Variants in SLC12A8 observed in about 807,000 individuals in gnomAD.
SLC12A8 encodes the protein solute carrier family 12 member 8.
SLC12A8 carries 69 observed loss-of-function variants against 75.6 expected under a neutral mutation model. The observed-to-expected ratio is 0.91, with a 90% CI of 0.75 to 1.11. SLC12A8 has a LOEUF of 1.11. SLC12A8 is among the 50% of genes most tolerant of loss of function. SLC12A8 has a pLI of 0.00. For missense variants in SLC12A8, 877 were observed against 896.7 expected (o/e 0.98, Z 0.28); for synonymous variants, 365 against 372.8 (o/e 0.98, Z 0.24).
chr3:125,155,437 A>T (rs1934025633), intron 5 of SLC12A8, among the ~76,000 whole-genome samples: 1 of 152,040 alleles, frequency 6.6e-6, no homozygotes, highest in African/African-American at 2.4e-5. Flanking sequence ...TGATGCAGGA[A>T]TTGATGTAGA....
intron 10 of SLC12A8, among the ~76,000 whole-genome samples, chr3:125,102,583 T>C (rs1034251445): frequency 6.6e-5 from 10 of 152,006 alleles, no homozygotes; most frequent in African/African-American, 2.4e-4. Flanking sequence ...AGGTACAAGA[T>C]GATGAGCGTC....
At chr3:125,165,378 C>T (rs546913053) in intron 5 of SLC12A8, among the ~76,000 whole-genome samples, 27 of 152,380 alleles carry the variant, frequency 1.8e-4, no homozygotes, top group African/African-American at 6.0e-4. Context: ...GAGGCCATCC[C>T]GGGCACTGCA....
chr3:125,171,964 A>G (rs1253311123), intron 5 of SLC12A8, among the ~76,000 whole-genome samples: 1 of 2,408 alleles, frequency 4.2e-4, no homozygotes, highest in African/African-American at 6.1e-4. Flanking sequence ...AAAAAAAAAA[A>G]AAAAAAGAAA....
chr3:125,099,291 T>C (rs1329039857), intron 10 of SLC12A8, among the ~76,000 whole-genome samples: 2 of 152,132 alleles, frequency 1.3e-5, no homozygotes, highest in Non-Finnish European at 2.9e-5. Flanking sequence ...GATGCCACAG[T>C]TGAAATCCAG....
intron 6 of SLC12A8, among the ~76,000 whole-genome samples, chr3:125,124,128 G>A (rs1207602064): frequency 6.6e-6 from 1 of 152,134 alleles, no homozygotes; most frequent in Non-Finnish European, 1.5e-5. Context: ...AATGAGCCAG[G>A]CCCAGATATG....
At chr3:125,194,811 C>A (rs1286051964) in intron 2 of SLC12A8, among the ~76,000 whole-genome samples, 1 of 152,230 alleles carries the variant, frequency 6.6e-6, no homozygotes, top group African/African-American at 2.4e-5. Context: ...ACATGCGAAC[C>A]AGCAGATGGC....
In SLC12A8 at chr3:125,171,256, C is replaced by A. The variant is rs1368410445; in HGVS notation, c.622+6487G>T. Among the ~76,000 whole-genome samples the A allele has an allele frequency of 1.1e-4, 3 of 26,604 alleles. 1 individual carries two copies. The highest frequency in any genetic ancestry group is 3.1e-4 in the Non-Finnish European group (2 of 6,554). 17.5% of individuals were successfully genotyped at this position (26,604 alleles called of 152,430 possible). On this transcript the variant is annotated intron_variant, in intron 5 of 13. Transcript: ENST00000469902. ...GAATGGCAATCATTAAAAAGTCAGG[C>A]AACAACAGGTGCTGGAGAGGATGTG...
chr3:125,138,176 T>C (rs558940), intron 5 of SLC12A8, among the ~76,000 whole-genome samples: 45,191 of 151,918 alleles, frequency 0.3, 7,275 homozygotes, highest in South Asian at 0.48. Context: ...CCGAGGCAGG[T>C]GGATCACTTG....
intron 4 of SLC12A8, among the ~76,000 whole-genome samples, chr3:125,185,456 A>G (rs1392975728): frequency 6.6e-6 from 1 of 152,166 alleles, no homozygotes; most frequent in South Asian, 2.1e-4. Flanking sequence ...CTATATAAGT[A>G]AAGAGATTCC....
rs114812515 is a variant in SLC12A8 at position 125,174,613 on chromosome 3, C to T, written c.622+3130G>A. Among the ~76,000 whole-genome samples, 1,076 of 152,254 alleles carry T rather than the reference C, an allele frequency of 7.1e-3. 16 individuals are homozygous for T. The highest frequency in any genetic ancestry group is 0.024 in the African/African-American group (1,002 of 41,538). On this transcript the variant is annotated intron_variant, in intron 5 of 13. Coordinates refer to ENST00000469902, the MANE Select transcript of SLC12A8 (RefSeq NM_024628.6). ...TCAGTAGGTGAATGGACAAACAGTG[C>T]TACATCCAGTTTCTTTTTATTCAGT...
At chr3:125,112,684 C>T (rs969306429) in intron 8 of SLC12A8, among the ~76,000 whole-genome samples, 5 of 152,174 alleles carry the variant, frequency 3.3e-5, no homozygotes, top group Admixed American at 6.5e-5. Context: ...CCTTTATTTC[C>T]GTCTTCTCTA....
chr3:125,145,408 CCA>C (rs763748183), intron 5 of SLC12A8, among the ~76,000 whole-genome samples: 1 of 152,190 alleles, frequency 6.6e-6, no homozygotes, highest in Non-Finnish European at 1.5e-5. Flanking sequence ...AAATGTCCAT[CCA>C]CAGATGAATG....
intron 8 of SLC12A8, among the ~76,000 whole-genome samples, chr3:125,114,705 G>C (rs549792691): frequency 6.6e-6 from 1 of 152,164 alleles, no homozygotes; most frequent in Non-Finnish European, 1.5e-5. Flanking sequence ...GGGATTACAG[G>C]CATGAACCAC....
chr3:125,141,979 G>T (rs1413301572), intron 5 of SLC12A8, among the ~76,000 whole-genome samples: 1 of 152,222 alleles, frequency 6.6e-6, no homozygotes, highest in Non-Finnish European at 1.5e-5. Context: ...GTCGGGGGAA[G>T]TGGTAGGCCC....
chr3:125,094,385 A>T (rs1383037957), intron 10 of SLC12A8, among the ~76,000 whole-genome samples: 1 of 152,202 alleles, frequency 6.6e-6, no homozygotes, highest in Non-Finnish European at 1.5e-5. Context: ...ACTCTCTGAT[A>T]GAACAAATTT....
rs114537194 is a variant in SLC12A8 at position 125,138,679 on chromosome 3, G to T, written c.623-2897C>A. Among the ~76,000 whole-genome samples the T allele has an allele frequency of 3.8e-3, 574 of 152,232 alleles. 8 individuals carry two copies. The highest frequency in any genetic ancestry group is 0.013 in the African/African-American group (545 of 41,554). On this transcript the variant is annotated intron_variant, in intron 5 of 13. Coordinates refer to ENST00000469902, the MANE Select transcript of SLC12A8 (RefSeq NM_024628.6). ...TATAATGCAATTACAGGCAATTCTT[G>T]TACTTTCTTTTTTTATTTCTACAAA... is the stretch of plus-strand genomic sequence containing the variant.
At chr3:125,194,096 G>A (rs1389125145) in intron 2 of SLC12A8, among the ~76,000 whole-genome samples, 3 of 152,248 alleles carry the variant, frequency 2.0e-5, no homozygotes, top group Non-Finnish European at 4.4e-5. Flanking sequence ...GATAAGAAAA[G>A]CAAGGGGCAA....
intron 12 of SLC12A8, 24 bp downstream of exon 12, chr3:125,091,415 T>C: frequency 1.3e-6 from 2 of 1,519,368 alleles, no homozygotes; most frequent in East Asian, 2.2e-5. Flanking sequence ...AGGGAACCAG[T>C]GGCAAAATGG....
At chr3:125,177,648 G>A (rs199692115) in intron 5 of SLC12A8, 95 bp downstream of exon 5, 3 of 836,438 alleles carry the variant, frequency 3.6e-6, no homozygotes, top group Non-Finnish European at 5.5e-6. Context: ...GCCTATGGGG[G>A]TTAGGGGGAG....
Sources: gnomAD v4.1 joint callset for allele counts (sites outside exome capture counted in the v4.1 genomes callset) on GRCh38, gnomAD v4.1.1 for gene constraint, MANE v1.5 for transcripts, NCBI Gene and HGNC (gene_info 2026-07-23, HGNC 2026-07-21) for gene names.